Variants in POP1 observed in about 807,000 individuals in gnomAD.
The protein encoded by POP1 is POP1 ribonuclease P/MRP subunit, also known as ribonucleases P/MRP protein subunit POP1.
Under a neutral mutation model 102.2 loss-of-function variants are expected in POP1, and 75 were observed. The ratio of observed to expected loss-of-function variants is 0.73; its 90% CI spans 0.61 to 0.89. The LOEUF (loss-of-function observed/expected upper bound fraction) is 0.89, where lower values mean the gene tolerates loss of function less well. Among genes scored for constraint, POP1 ranks in the 40% least tolerant of loss-of-function variants. POP1 has a pLI of 0.00. For missense variants in POP1, 1,116 were observed against 1,267.4 expected (o/e 0.88, Z 1.81); for synonymous variants, 436 against 464.1 (o/e 0.94, Z 0.78).
chr8:98,127,753 T>C lies in POP1; in HGVS notation c.301T>C (p.Tyr101His), dbSNP rs1816253052. 2.5e-6 allele frequency: 4 copies of C among 1,613,684 alleles called. No individual in the cohort carries two copies. Among genetic ancestry groups the C allele is most frequent in the African/African-American group, 2.7e-5 (2 of 74,866 alleles). The change falls in exon 3 of 16, where the codon TAT (tyrosine) becomes CAT (histidine). Residue 101 changes from tyrosine (Y) to histidine (H), a missense_variant. Physicochemically the swap from Tyr to His is moderately conservative, Grantham distance 83 (BLOSUM62 2). Coordinates refer to ENST00000401707, the MANE Select transcript of POP1 (RefSeq NM_001145860.2). ...GGGCACGTCTCAGGAGATCCCCAAG[T>C]ATATAACTGGTGGGTACTCATAAAG... is the stretch of plus-strand genomic sequence containing the variant. Reference protein sequence around the residue: ...PEGTSQEIPKYITASTFAQAR... With the variant: ...PEGTSQEIPKHITASTFAQAR...
intron 2 of POP1, among the ~76,000 whole-genome samples, chr8:98,127,176 A>G (rs1343586832): frequency 1.3e-5 from 2 of 152,136 alleles, no homozygotes; most frequent in Non-Finnish European, 2.9e-5. Context: ...CTCTACCCTC[A>G]TGACCTAATC....
chr8:98,139,889 A>G (rs1315784576), intron 9 of POP1, among the ~76,000 whole-genome samples, 189 bp from the exon 10 acceptor site: 2 of 152,214 alleles, frequency 1.3e-5, no homozygotes, highest in Non-Finnish European at 2.9e-5. Flanking sequence ...CCTTGCTGCT[A>G]ATTCAAAGGG....
Position 98,158,191 on chromosome 8 carries a change from G to T in POP1, c.2995G>T (p.Ala999Ser), listed in dbSNP as rs1381034165. The change falls in exon 16 of 16, where the codon GCA becomes TCA. Residue 999 changes from alanine (A) to serine (S), a missense_variant. Transcript: ENST00000401707. ...GCTGGATATGCTGTCCAGCCAGCCTGCAGCGCAGAGGGGCTTAGTGCTACT... is the reference window on the plus strand; with the variant it reads ...GCTGGATATGCTGTCCAGCCAGCCTTCAGCGCAGAGGGGCTTAGTGCTACT... ...GLLDMLSSQP[A>S]AQRGLVLLRP... is the part of the protein sequence containing the mutation. 2 of 1,611,852 alleles carry T rather than the reference G, an allele frequency of 1.2e-6. No individual in the cohort carries two copies. The highest frequency in any genetic ancestry group is 2.2e-5 in the South Asian group (2 of 90,970).
chr8:98,139,986 G>T (rs1373375026), intron 9 of POP1, 92 bp from the exon 10 acceptor site: 1 of 966,104 alleles, frequency 1.0e-6, no homozygotes, highest in Non-Finnish European at 1.6e-6. Context: ...ACACATAGAA[G>T]AAGAAAGAGT....
intron 1 of POP1, among the ~76,000 whole-genome samples, chr8:98,122,697 G>A (rs1816065407): frequency 6.6e-6 from 1 of 152,038 alleles, no homozygotes; most frequent in African/African-American, 2.4e-5. Flanking sequence ...TACTTCTTAG[G>A]TCTCCTTTAT....
At position 98,128,553 on chromosome 8, in the gene POP1, C is replaced by G. The variant is rs768897731; in HGVS notation, c.486+13C>G. 1 of 1,613,048 alleles carries G rather than the reference C, an allele frequency of 6.2e-7. No individual in the cohort carries two copies. Among genetic ancestry groups the G allele is most frequent in the Non-Finnish European group, 8.5e-7 (1 of 1,179,150 alleles). The stretch of plus-strand genomic sequence containing the variant: ...TGCCCAGAAAGAGGTAGGAGTTCCA[C>G]TTAGTGTAAATGTTTAGATTAGTAG... On this transcript the variant is annotated intron_variant, in intron 4 of 15. Transcript: ENST00000401707.
chr8:98,127,979 C>T (rs1011516958), intron 3 of POP1, among the ~76,000 whole-genome samples: 4 of 152,140 alleles, frequency 2.6e-5, no homozygotes, highest in South Asian at 2.1e-4. Context: ...GTCTCTTACT[C>T]TTCTTCTTAC....
rs138105918 is a variant in POP1, at chr8:98,128,769, A to C, written c.486+229A>C. Among the ~76,000 whole-genome samples the C allele has an allele frequency of 3.4e-4, 51 of 152,136 alleles. No individual in the cohort carries two copies. The East Asian group carries it at 9.1e-3, about 27-fold the overall frequency. On this transcript the variant is annotated intron_variant, in intron 4 of 15. Coordinates refer to ENST00000401707, the MANE Select transcript of POP1 (RefSeq NM_001145860.2). Reference sequence around the variant, plus strand: ...CCTTGTCTCTACAAAAAAATCCGCAAATTAGCTGGGCGTGATGGTACATGT... The same window carrying C: ...CCTTGTCTCTACAAAAAAATCCGCACATTAGCTGGGCGTGATGGTACATGT...
intron 5 of POP1, among the ~76,000 whole-genome samples, chr8:98,133,584 G>T (rs189191108): frequency 2.4e-3 from 360 of 152,210 alleles, no homozygotes; most frequent in Non-Finnish European, 4.2e-3. Flanking sequence ...GGGGTGAATG[G>T]TTCTCTACTT....
At chr8:98,124,048 G>A (rs1234767075) in intron 2 of POP1, among the ~76,000 whole-genome samples, 1 of 152,054 alleles carries the variant, frequency 6.6e-6, no homozygotes, top group Non-Finnish European at 1.5e-5. Flanking sequence ...CTGTGTTTAC[G>A]TTCCCAGCCG....
Position 98,156,320 on chromosome 8 carries a change from G to A in POP1, c.2328G>A (p.Gly776=), listed in dbSNP as rs771610866. ...AGGCAGAGGAGGTAATGGATGCAGG[G>A]TGTCAAGAATCGGCAGGGCCTGAGA... is the stretch of plus-strand genomic sequence containing the variant. ...PREAEEVMDA[G]CQESAGPERI... Residue 776 remains glycine (G), a synonymous_variant, in exon 15 of 16, where the codon GGG becomes GGA. Transcript: ENST00000401707. The A allele has an allele frequency of 4.5e-5, 73 of 1,614,172 alleles. No individual in the cohort carries two copies. The highest frequency in any genetic ancestry group is 6.0e-5 in the Non-Finnish European group (71 of 1,180,028).
intron 7 of POP1, among the ~76,000 whole-genome samples, chr8:98,136,115 C>G (rs1325513278): frequency 6.6e-6 from 1 of 151,598 alleles, no homozygotes; most frequent in Non-Finnish European, 1.5e-5. Flanking sequence ...GAGTCTTGCT[C>G]TGTTGCCCGG....
chr8:98,119,417 T>C (rs976689421), intron 1 of POP1, among the ~76,000 whole-genome samples: 22 of 152,238 alleles, frequency 1.4e-4, no homozygotes, highest in African/African-American at 5.1e-4. Context: ...CCAAAGGTTG[T>C]GTCTGGCCAG....
In POP1 at chr8:98,156,315, G is replaced by T. The variant is rs1452522273; in HGVS notation, c.2323G>T (p.Ala775Ser). 1 of 1,614,174 alleles carries T rather than the reference G, an allele frequency of 6.2e-7. No homozygotes were observed. Among genetic ancestry groups the T allele is most frequent in the Non-Finnish European group, 8.5e-7 (1 of 1,180,034 alleles). ...HPREAEEVMD[A>S]GCQESAGPER... ...CAGGGAGGCAGAGGAGGTAATGGAT[G>T]CAGGGTGTCAAGAATCGGCAGGGCC... is the stretch of plus-strand genomic sequence containing the variant. The change falls in exon 15 of 16, where the codon GCA becomes TCA. Residue 775 changes from alanine (A) to serine (S), a missense_variant. Ala to Ser is a moderately conservative substitution (Grantham distance 99, BLOSUM62 1). Coordinates refer to ENST00000401707, the MANE Select transcript of POP1 (RefSeq NM_001145860.2).
At chr8:98,125,912 C>G (rs1365286588) in intron 2 of POP1, among the ~76,000 whole-genome samples, 1 of 152,058 alleles carries the variant, frequency 6.6e-6, no homozygotes, top group Admixed American at 6.6e-5. Context: ...ATGGCACAAT[C>G]GTGGCTCACT....
chr8:98,157,624 A>G lies in POP1; in HGVS notation c.2428A>G (p.Lys810Glu), dbSNP rs147340168. 608 of 1,614,204 alleles carry G rather than the reference A, an allele frequency of 3.8e-4. 1 individual carries two copies. The African/African-American group carries it at 7.3e-3, about 19-fold the overall frequency. Residue 810 changes from lysine to glutamate, a missense_variant, in exon 16 of 16, where the codon AAA (lysine) becomes GAA (glutamate). Coordinates refer to ENST00000401707, the MANE Select transcript of POP1 (RefSeq NM_001145860.2). ...GTCTCCAACTTCATGTAGGAGTAGAAAATTACTGAAGCAACTGTCAGCCTG... is the reference window on the plus strand; with the variant it reads ...GTCTCCAACTTCATGTAGGAGTAGAGAATTACTGAAGCAACTGTCAGCCTG... ...GSHLCVLRSR[K>E]LLKQLSAWCG... is the part of the protein sequence containing the mutation.
At chr8:98,146,987 A>C (rs1252554665) in intron 12 of POP1, among the ~76,000 whole-genome samples, 1 of 152,266 alleles carries the variant, frequency 6.6e-6, no homozygotes, top group Non-Finnish European at 1.5e-5. Flanking sequence ...TAAAGTAAGA[A>C]TAATCTCTAG....
chr8:98,123,439 C>T lies in POP1; in HGVS notation c.102C>T (p.His34=), dbSNP rs993072311. The change falls in exon 2 of 16, where the codon CAC becomes CAT. Residue 34 remains histidine, a synonymous_variant. Coordinates refer to ENST00000401707, the MANE Select transcript of POP1 (RefSeq NM_001145860.2). ...SGFVADRGVK[H]HSGGEKPFQA... is the part of the protein sequence containing the mutation. ...TTGTGGCTGACAGAGGTGTAAAGCACCACAGTGGAGGTGAAAAACCTTTCC... is the reference window on the plus strand; with the variant it reads ...TTGTGGCTGACAGAGGTGTAAAGCATCACAGTGGAGGTGAAAAACCTTTCC... 6.2e-7 allele frequency: 1 copy of T among 1,613,928 alleles called. No homozygotes were observed. Among genetic ancestry groups the T allele is most frequent in the East Asian group, 2.2e-5 (1 of 44,890 alleles).
intron 1 of POP1, among the ~76,000 whole-genome samples, chr8:98,121,145 A>G (rs1171684690): frequency 6.6e-6 from 1 of 152,216 alleles, no homozygotes; most frequent in Non-Finnish European, 1.5e-5. Context: ...GAAAGTGAGA[A>G]AGTAATTTTC....
Sources: allele counts gnomAD v4.1 joint callset (sites outside exome capture counted in the v4.1 genomes callset), GRCh38; gene constraint gnomAD v4.1.1; transcripts MANE v1.5; gene names NCBI Gene and HGNC (gene_info 2026-07-23, HGNC 2026-07-21).